Variants in ARSG observed in about 807,000 individuals in gnomAD.
ARSG encodes the protein ASG.
ARSG carries 37 observed loss-of-function variants against 50.5 expected under a neutral mutation model. That is an observed-to-expected ratio of 0.73 (90% CI 0.56 to 0.96). The LOEUF (loss-of-function observed/expected upper bound fraction) is 0.96, where lower values mean the gene tolerates loss of function less well. Ranked by LOEUF, ARSG falls within the 50% of genes least tolerant of loss-of-function variation. ARSG has a pLI of 0.00. For missense variants in ARSG, 629 were observed against 675.3 expected, an observed-to-expected ratio of 0.93 and a Z score of 0.76; for synonymous variants, 225 against 254.6, an observed-to-expected ratio of 0.88 and a Z score of 1.11.
In ARSG at chr17:68,336,513, A is replaced by G. The variant is rs570105384; in HGVS notation, c.219-7091A>G. Reference sequence around the variant, plus strand: ...GCGTGAACCACCACACCTGGCCAAGATCATGTTTTTCAGTAAGGGATTAGT... The same window carrying G: ...GCGTGAACCACCACACCTGGCCAAGGTCATGTTTTTCAGTAAGGGATTAGT... On this transcript the variant is annotated intron_variant, in intron 2 of 11. Coordinates refer to ENST00000621439, the MANE Select transcript of ARSG (RefSeq NM_001267727.2). 5.9e-5 allele frequency among the ~76,000 whole-genome samples: 9 copies of G among 152,200 alleles called. No individual in the cohort carries two copies. The South Asian group carries it at 1.9e-3, about 32-fold the overall frequency.
At chr17:68,274,183 T>C (rs963512828) in intron 1 of ARSG, 23 of 1,195,368 alleles carry the variant, frequency 1.9e-5, no homozygotes, top group Non-Finnish European at 2.5e-5. Context: ...AATATAAATA[T>C]GGCCGAGCGC....
At chr17:68,360,606 T>G (rs1276391803) in intron 6 of ARSG, among the ~76,000 whole-genome samples, 1 of 152,220 alleles carries the variant, frequency 6.6e-6, no homozygotes, top group African/African-American at 2.4e-5. Flanking sequence ...TGAATGCTAA[T>G]GCTTGATTGG....
chr17:68,336,967 C>G (rs931814555), intron 2 of ARSG, among the ~76,000 whole-genome samples: 4 of 152,176 alleles, frequency 2.6e-5, no homozygotes, highest in Non-Finnish European at 5.9e-5. Flanking sequence ...ATAACCTTGA[C>G]TCTAGCTCCT....
rs2076638514 is a variant in ARSG at position 68,307,140 on chromosome 17, TAGTGGCCAAAGAGC to T, written c.-350_-337del. On this transcript the variant is annotated 5_prime_UTR_variant, in exon 2 of 12. Coordinates refer to ENST00000621439, the MANE Select transcript of ARSG (RefSeq NM_001267727.2). ...CCTGAATACAGAAGGGTCACTTTCT[TAGTGGCCAAAGAGC>T]AGTTGTTGACATTGATGTCTAATTA... The T allele has an allele frequency of 4.4e-6, 1 of 229,704 alleles. No individual in the cohort carries two copies. The highest frequency in any genetic ancestry group is 8.6e-6 in the Non-Finnish European group (1 of 116,718). The allele number at this position is 229,704 out of a possible 1,614,324, so 14.2% of individuals were successfully genotyped here.
chr17:68,409,320 A>G (rs2081897204), intron 11 of ARSG, among the ~76,000 whole-genome samples: 1 of 149,108 alleles, frequency 6.7e-6, no homozygotes, highest in South Asian at 2.1e-4. Context: ...GAAGGGATCC[A>G]GTTTCAGCTT....
intron 2 of ARSG, among the ~76,000 whole-genome samples, chr17:68,309,520 G>T (rs191838785): frequency 6.6e-6 from 1 of 152,338 alleles, no homozygotes; most frequent in East Asian, 1.9e-4. Flanking sequence ...AGCTATGATT[G>T]TGCCACTGCA....
chr17:68,354,492 A>G (rs986307414), intron 5 of ARSG, among the ~76,000 whole-genome samples: 1 of 152,150 alleles, frequency 6.6e-6, no homozygotes, highest in African/African-American at 2.4e-5. Context: ...GAAAAACAGG[A>G]AAGAATGTAA....
chr17:68,433,604 G>T, the ARSG span: 1 of 1,586,052 alleles, frequency 6.3e-7, no homozygotes. Context: ...ATGGGTCAGT[G>T]AGCAAGAGAA....
chr17:68,429,815 C>G, the ARSG span, among the ~76,000 whole-genome samples: 1 of 152,180 alleles, frequency 6.6e-6, no homozygotes, highest in Non-Finnish European at 1.5e-5. Context: ...TCTCAAACTC[C>G]TGACCTCAGA....
intron 11 of ARSG, among the ~76,000 whole-genome samples, chr17:68,410,022 G>T (rs2081929063): frequency 6.6e-6 from 1 of 151,372 alleles, no homozygotes; most frequent in Admixed American, 6.6e-5. Context: ...GAGATTTTGG[G>T]CTGAGACAAT....
At chr17:68,334,994 T>G (rs969116176) in intron 2 of ARSG, among the ~76,000 whole-genome samples, 3 of 152,052 alleles carry the variant, frequency 2.0e-5, no homozygotes, top group Non-Finnish European at 2.9e-5. Context: ...GTGGCCTTTA[T>G]TATTTATTTA....
chr17:68,357,086 CCTTCT>C (rs1276472681), intron 6 of ARSG, among the ~76,000 whole-genome samples: 1 of 152,180 alleles, frequency 6.6e-6, no homozygotes, highest in East Asian at 1.9e-4. Context: ...TTTGTCCTCT[CCTTCT>C]AGGGTACGAG....
chr17:68,282,172 TA>T (rs1301758103), intron 1 of ARSG, among the ~76,000 whole-genome samples: 1 of 151,898 alleles, frequency 6.6e-6, no homozygotes, highest in Admixed American at 6.6e-5. Context: ...TATGCAGCCA[TA>T]AAAAAGGATG....
the ARSG span, among the ~76,000 whole-genome samples, chr17:68,430,625 G>C: frequency 6.6e-6 from 1 of 152,172 alleles, no homozygotes; most frequent in African/African-American, 2.4e-5. Context: ...ACTTTGGGTG[G>C]TGTTTGATTG....
chr17:68,423,791 C>G (rs745356749), downstream of ARSG, among the ~76,000 whole-genome samples: 1 of 152,156 alleles, frequency 6.6e-6, no homozygotes, highest in Non-Finnish European at 1.5e-5. This position sits in a 1 kb window ranked among gnomAD's most constrained non-coding sequence, Gnocchi z 4.4. Flanking sequence ...TATACAGGTT[C>G]TTTGGCAAGG....
At position 68,420,740 on chromosome 17, in the gene ARSG, G is replaced by A. The variant is rs2147620339; in HGVS notation, c.*277G>A. 2.2e-6 allele frequency: 1 copy of A among 459,978 alleles called. No individual in the cohort carries two copies. Among genetic ancestry groups the A allele is most frequent in the East Asian group, 3.7e-5 (1 of 27,208 alleles). 28.5% of individuals were successfully genotyped at this position (459,978 alleles called of 1,614,324 possible). The stretch of plus-strand genomic sequence containing the variant: ...TGCCAGCTCCAGCTTTTGAACTTGG[G>A]CAATTGTTTAACCTAACCTGCAAGT... On this transcript the variant is annotated 3_prime_UTR_variant, in exon 12 of 12. Coordinates refer to ENST00000621439, the MANE Select transcript of ARSG (RefSeq NM_001267727.2).
intron 2 of ARSG, among the ~76,000 whole-genome samples, chr17:68,320,076 C>G (rs1164071937): frequency 6.6e-6 from 1 of 152,004 alleles, no homozygotes; most frequent in Non-Finnish European, 1.5e-5. Context: ...TACCTGAGCC[C>G]AGGAGTTCGA....
upstream of ARSG, among the ~76,000 whole-genome samples, chr17:68,289,844 T>A (rs549997733): frequency 6.6e-6 from 1 of 152,328 alleles, no homozygotes; most frequent in Non-Finnish European, 1.5e-5. Flanking sequence ...CTCATTACAC[T>A]GGAAGGAGCT....
intron 2 of ARSG, among the ~76,000 whole-genome samples, chr17:68,340,919 G>C (rs940945558): frequency 9.9e-5 from 15 of 152,076 alleles, no homozygotes; most frequent in African/African-American, 3.4e-4. Flanking sequence ...TAACATTATA[G>C]GTTTTTTATT....
Sources: allele counts gnomAD v4.1 joint callset (sites outside exome capture counted in the v4.1 genomes callset), GRCh38; gene constraint gnomAD v4.1.1; non-coding constraint Gnocchi (gnomAD v3.1); transcripts MANE v1.5; gene names NCBI Gene and HGNC (gene_info 2026-07-23, HGNC 2026-07-21).